Variants in AGBL4 observed in about 807,000 individuals in gnomAD.
AGBL4 encodes cytosolic carboxypeptidase 6.
A neutral mutation model predicts 66.4 loss-of-function variants in AGBL4; 58 were observed. That is an observed-to-expected ratio of 0.87 (90% CI 0.71 to 1.09). The LOEUF (loss-of-function observed/expected upper bound fraction) is 1.09, where lower values mean the gene tolerates loss of function less well. Among genes scored for constraint, AGBL4 ranks in the 50% least tolerant of loss-of-function variants. AGBL4 has a pLI of 0.00. For missense variants in AGBL4, 579 were observed against 631.0 expected (o/e 0.92, Z 0.88); for synonymous variants, 234 against 222.9 (o/e 1.05, Z -0.44).
intron 4 of AGBL4, among the ~76,000 whole-genome samples, chr1:49,236,158 T>C (rs1222677822): frequency 6.6e-6 from 1 of 152,084 alleles, no homozygotes; most frequent in Non-Finnish European, 1.5e-5. Context: ...GCTTCCTGAA[T>C]AGCTGGGATT....
chr1:48,807,806 C>G (rs1446770789), intron 6 of AGBL4, among the ~76,000 whole-genome samples: 1 of 151,574 alleles, frequency 6.6e-6, no homozygotes, highest in African/African-American at 2.4e-5. Context: ...CCATTGGTAA[C>G]CCCCGAGTTG....
intron 1 of AGBL4, among the ~76,000 whole-genome samples, chr1:50,004,105 A>T (rs1431130549): frequency 6.6e-6 from 1 of 152,194 alleles, no homozygotes; most frequent in African/African-American, 2.4e-5. Flanking sequence ...CATGGCACAG[A>T]AAAAGAATCT....
At chr1:48,685,320 T>C (rs1000359455) in intron 6 of AGBL4, among the ~76,000 whole-genome samples, 3 of 152,240 alleles carry the variant, frequency 2.0e-5, no homozygotes, top group African/African-American at 7.2e-5. Context: ...TTAAACATCT[T>C]ACAGAGATGT....
At chr1:48,688,330 C>T (rs571854763) in intron 6 of AGBL4, among the ~76,000 whole-genome samples, 1 of 152,306 alleles carries the variant, frequency 6.6e-6, no homozygotes, top group South Asian at 2.1e-4. Flanking sequence ...CTCAGCCCTC[C>T]CTAAGCTTCC....
intron 6 of AGBL4, among the ~76,000 whole-genome samples, chr1:48,861,415 G>A (rs751421550): frequency 4.6e-5 from 7 of 152,084 alleles, no homozygotes; most frequent in Non-Finnish European, 1.0e-4. Flanking sequence ...TATACTCAGA[G>A]TATCAAGCAG....
intron 3 of AGBL4, among the ~76,000 whole-genome samples, chr1:49,575,297 A>T (rs558883422): frequency 4.6e-4 from 70 of 152,194 alleles, no homozygotes; most frequent in Admixed American, 2.6e-3. Flanking sequence ...GGGTCCCTCA[A>T]CTCATCCTGT....
At chr1:49,352,671 C>A (rs1643935746) in intron 3 of AGBL4, among the ~76,000 whole-genome samples, 3 of 151,924 alleles carry the variant, frequency 2.0e-5, no homozygotes, top group Non-Finnish European at 2.9e-5. Flanking sequence ...GCACCAGGAG[C>A]AGAGGAAAAT....
intron 1 of AGBL4, among the ~76,000 whole-genome samples, chr1:49,883,956 A>G (rs535743534): frequency 5.9e-5 from 9 of 152,150 alleles, no homozygotes; most frequent in African/African-American, 2.2e-4. Context: ...TACATTCTAC[A>G]TGCACATAAA....
At chr1:49,784,874 A>C (rs967418688) in intron 2 of AGBL4, among the ~76,000 whole-genome samples, 5 of 152,084 alleles carry the variant, frequency 3.3e-5, no homozygotes, top group Non-Finnish European at 7.4e-5. Flanking sequence ...AATGAAATGC[A>C]AATCAAAACC....
intron 9 of AGBL4, among the ~76,000 whole-genome samples, chr1:48,591,677 T>C (rs1009531962): frequency 6.6e-6 from 1 of 152,158 alleles, no homozygotes; most frequent in African/African-American, 2.4e-5. Context: ...ACATATAGAG[T>C]CTTAGTTAAC....
intron 4 of AGBL4, among the ~76,000 whole-genome samples, chr1:49,068,309 C>T (rs1644530261): frequency 6.6e-6 from 1 of 151,360 alleles, no homozygotes; most frequent in Admixed American, 6.6e-5. Context: ...TATACATGTG[C>T]CATGTTAGTT....
intron 3 of AGBL4, among the ~76,000 whole-genome samples, chr1:49,618,671 A>G (rs1645298271): frequency 6.6e-6 from 1 of 152,210 alleles, no homozygotes; most frequent in Non-Finnish European, 1.5e-5. Context: ...CAACAAAAAA[A>G]GAGTATTTCA....
chr1:49,702,223 T>C (rs1207128647), intron 2 of AGBL4, among the ~76,000 whole-genome samples: 2 of 152,184 alleles, frequency 1.3e-5, no homozygotes, highest in African/African-American at 4.8e-5. Context: ...CTGGGTGTGG[T>C]GGCTCACACC....
intron 4 of AGBL4, among the ~76,000 whole-genome samples, chr1:49,234,781 T>G (rs548551510): frequency 6.6e-5 from 10 of 152,128 alleles, no homozygotes; most frequent in African/African-American, 2.4e-4. Context: ...AAGCCCAGAG[T>G]TCCAGGCAAA....
At chr1:48,923,477 T>G (rs1372461757) in intron 5 of AGBL4, among the ~76,000 whole-genome samples, 1 of 152,178 alleles carries the variant, frequency 6.6e-6, no homozygotes, top group Non-Finnish European at 1.5e-5. Context: ...GGAACACAGG[T>G]TAGCTGCTGA....
chr1:49,170,548 T>C (rs1400714409), intron 4 of AGBL4, among the ~76,000 whole-genome samples: 1 of 145,992 alleles, frequency 6.8e-6, no homozygotes, highest in Non-Finnish European at 1.5e-5. Flanking sequence ...TATACATTAA[T>C]ATACAAATAT....
chr1:49,865,422 G>T (rs1646676770), intron 1 of AGBL4, among the ~76,000 whole-genome samples: 1 of 152,168 alleles, frequency 6.6e-6, no homozygotes, highest in South Asian at 2.1e-4. Context: ...CTATTCTGCA[G>T]CCTCCACGGT....
At chr1:49,637,540 C>A (rs1420204801) in intron 3 of AGBL4, among the ~76,000 whole-genome samples, 1 of 151,938 alleles carries the variant, frequency 6.6e-6, no homozygotes, top group Admixed American at 6.6e-5. Flanking sequence ...TGACCTCAGG[C>A]GATCTGCATG....
chr1:48,828,037 C>CACAT (rs1646467789), intron 6 of AGBL4, among the ~76,000 whole-genome samples: 1 of 143,688 alleles, frequency 7.0e-6, no homozygotes, highest in Admixed American at 7.1e-5. Flanking sequence ...CACACACACA[C>CACAT]ACACACAAAT....
Sources: allele counts gnomAD v4.1 joint callset (sites outside exome capture counted in the v4.1 genomes callset), GRCh38; gene constraint gnomAD v4.1.1; transcripts MANE v1.5; gene names NCBI Gene and HGNC (gene_info 2026-07-23, HGNC 2026-07-21).